Variants in SPTBN4 observed in about 807,000 individuals in gnomAD.
SPTBN4 encodes the protein spectrin beta, non-erythrocytic 4, also known as spectrin beta chain, non-erythrocytic 4.
SPTBN4 carries 96 observed loss-of-function variants against 277.8 expected under a neutral mutation model. That is an observed-to-expected ratio of 0.35 (90% confidence interval 0.29 to 0.41). SPTBN4 has a LOEUF of 0.41. SPTBN4 is among the 10% of genes least tolerant of loss of function. The pLI is 1.00. For synonymous variants in SPTBN4, 1,481 were observed against 1,580.3 expected, an observed-to-expected ratio of 0.94 and a Z score of 1.49; for missense variants, 3,006 against 3,595.7, an observed-to-expected ratio of 0.84 and a Z score of 4.19.
At chr19:40,473,361 T>C (rs1037564462) in intron 2 of SPTBN4, among the ~76,000 whole-genome samples, 1 of 144,058 alleles carries the variant, frequency 6.9e-6, no homozygotes, top group African/African-American at 2.6e-5. Flanking sequence ...GGTGTTTTTT[T>C]TTTTTTTTTT....
intron 32 of SPTBN4, among the ~76,000 whole-genome samples, chr19:40,569,965 C>CACACACACAG (rs1342437963): frequency 2.0e-5 from 3 of 146,980 alleles, no homozygotes; most frequent in African/African-American, 7.7e-5. Flanking sequence ...CACACACACA[C>CACACACACAG]ACACACACAG....
chr19:40,524,486 G>A (rs2080566503), intron 17 of SPTBN4: 1 of 430,252 alleles, frequency 2.3e-6, no homozygotes, highest in South Asian at 1.7e-5. Context: ...CAGCCTGGAT[G>A]ACACAGCAAC....
At chr19:40,537,536 T>TG (rs2080752405) in intron 20 of SPTBN4, among the ~76,000 whole-genome samples, 1 of 152,188 alleles carries the variant, frequency 6.6e-6, no homozygotes, top group Non-Finnish European at 1.5e-5. Flanking sequence ...AGGGGTTCCT[T>TG]GGCCACAGTT....
At chr19:40,506,530 C>G in intron 13 of SPTBN4, 144 bp downstream of exon 13, 1 of 1,278,514 alleles carries the variant, frequency 7.8e-7, no homozygotes, top group Non-Finnish European at 1.0e-6. Context: ...TTACATTCCA[C>G]TGGGGAAGTC....
In SPTBN4 at chr19:40,519,738, G is replaced by C; in HGVS notation, c.3241G>C (p.Gly1081Arg). Residue 1081 changes from glycine (G) to arginine (R), a missense_variant, in exon 16 of 36, where the codon GGC (glycine) becomes CGC (arginine). Gly to Arg is a moderately radical substitution (Grantham distance 125). Transcript: ENST00000598249. This position sits in a 1 kb window ranked among gnomAD's most constrained non-coding sequence, Gnocchi z 5.7. ...GCTAGCTAGCGCGGCTCAGGCCTGC[G>C]GCGAGGCGGTGGCGGCAGCAGGGCG... Reference protein sequence around the residue: ...GALASAAQACGEAVAAAGRLQ... With the variant: ...GALASAAQACREAVAAAGRLQ... 7.1e-7 allele frequency: 1 copy of C among 1,406,488 alleles called. No homozygotes were observed. Among genetic ancestry groups the C allele is most frequent in the Non-Finnish European group, 9.2e-7 (1 of 1,092,286 alleles). The allele number at this position is 1,406,488 out of a possible 1,614,324, so 87.1% of individuals were successfully genotyped here.
At chr19:40,569,058 C>A (rs2081124323) in intron 31 of SPTBN4, among the ~76,000 whole-genome samples, 1 of 151,732 alleles carries the variant, frequency 6.6e-6, no homozygotes, top group Non-Finnish European at 1.5e-5. Context: ...GGAATGGGGG[C>A]GATTGGGGGA....
rs547021683 is a variant in SPTBN4, at chr19:40,479,507, A to G, written c.169+6717A>G. Among the ~76,000 whole-genome samples, 283 of 151,666 alleles carry G rather than the reference A, an allele frequency of 1.9e-3. 2 individuals carry two copies. Among genetic ancestry groups the G allele is most frequent in the Admixed American group, 4.3e-3 (65 of 15,182 alleles). On this transcript the variant is annotated intron_variant, in intron 2 of 35. Coordinates refer to ENST00000598249, the MANE Select transcript of SPTBN4 (RefSeq NM_020971.3). ...TTTTAAATAAAGATGGGGTCTTGCT[A>G]TGTTGCCTAGGCTGGTCTTGAACTC...
Position 40,519,683 on chromosome 19 carries a change from C to A in SPTBN4, c.3186C>A (p.Gly1062=), listed in dbSNP as rs928004253. The part of the protein sequence containing the change: ...FPAQAARLHQ[G]AEELGAEWGA... ...CGCAGGCGGCGCGGCTGCACCAGGG[C>A]GCGGAGGAGCTGGGCGCCGAGTGGG... is the stretch of plus-strand genomic sequence containing the variant. The change falls in exon 16 of 36, where the codon GGC becomes GGA. Residue 1062 remains glycine (G), a synonymous_variant. Coordinates refer to ENST00000598249, the MANE Select transcript of SPTBN4 (RefSeq NM_020971.3). This position sits in a 1 kb window ranked among gnomAD's most constrained non-coding sequence, Gnocchi z 5.7. 2.4e-5 allele frequency: 33 copies of A among 1,389,808 alleles called. No individual in the cohort carries two copies. The African/African-American group carries it at 3.8e-4, about 16-fold the overall frequency. The allele number at this position is 1,389,808 out of a possible 1,614,324, so 86.1% of individuals were successfully genotyped here.
intron 24 of SPTBN4, among the ~76,000 whole-genome samples, chr19:40,555,598 A>G (rs996482532): frequency 1.3e-5 from 2 of 151,982 alleles, no homozygotes; most frequent in African/African-American, 4.8e-5. Context: ...TGCATGCTGA[A>G]ATGCAGGGCT....
chr19:40,497,580 C>T lies in SPTBN4; in HGVS notation c.760C>T (p.Leu254=). ...AFRTAEQHLG[L]ARLLDPEDVN... Reference sequence around the variant, plus strand: ...CCGCACAGCTGAGCAGCACCTGGGGCTGGCGCGGCTGCTGGATCCTGAAGG... The same window carrying T: ...CCGCACAGCTGAGCAGCACCTGGGGTTGGCGCGGCTGCTGGATCCTGAAGG... The change falls in exon 7 of 36, where the codon CTG becomes TTG. Residue 254 remains leucine (L), a synonymous_variant. Transcript: ENST00000598249. The T allele has an allele frequency of 6.2e-7, 1 of 1,613,880 alleles. No homozygotes were observed. The highest frequency in any genetic ancestry group is 1.1e-5 in the South Asian group (1 of 91,076).
chr19:40,488,246 TG>T (rs1347609969), intron 3 of SPTBN4, among the ~76,000 whole-genome samples: 1 of 149,680 alleles, frequency 6.7e-6, no homozygotes, highest in Non-Finnish European at 1.5e-5. Flanking sequence ...TATTGCGGGT[TG>T]GGGGTGGGTA....
At chr19:40,540,814 CAAAAAAAAA>C (rs58695945) in intron 20 of SPTBN4, among the ~76,000 whole-genome samples, 1 of 79,338 alleles carries the variant, frequency 1.3e-5, no homozygotes, top group African/African-American at 4.7e-5. Context: ...ACCCCCATCT[CAAAAAAAAA>C]AAAAAAAAAA....
chr19:40,492,854 C>T (rs910725361), intron 4 of SPTBN4, 109 bp from the exon 5 acceptor site: 1 of 893,282 alleles, frequency 1.1e-6, no homozygotes, highest in South Asian at 1.5e-5. Context: ...AGCTGCCTCC[C>T]CCATCTCCTC....
Position 40,532,661 on chromosome 19 carries a change from C to T in SPTBN4, c.3985C>T (p.Arg1329Trp), listed in dbSNP as rs147705991. Residue 1329 changes from arginine to tryptophan, a missense_variant, in exon 19 of 36, where the codon CGG (arginine) becomes TGG (tryptophan). Around this residue, in one of 5 missense-constraint regions of SPTBN4, gnomAD observed 1,759 missense variants for 2,061.5 expected, o/e 0.85. Coordinates refer to ENST00000598249, the MANE Select transcript of SPTBN4 (RefSeq NM_020971.3). ...GWIHEKMLMA[R>W]DGTREDNHKL... ...GATCCATGAGAAGATGCTGATGGCG[C>T]GGGATGGCACGCGGGAGGACAACCA... The T allele has an allele frequency of 1.6e-5, 26 of 1,613,322 alleles. No homozygotes were observed. Among genetic ancestry groups the T allele is most frequent in the East Asian group, 6.7e-5 (3 of 44,868 alleles).
At chr19:40,504,851 C>CAAA (rs113849503) in intron 12 of SPTBN4, among the ~76,000 whole-genome samples, 3 of 147,942 alleles carry the variant, frequency 2.0e-5, no homozygotes, top group Admixed American at 1.3e-4. Context: ...GATTCTGTTT[C>CAAA]AAAAAAAAAG....
chr19:40,495,017 C>G, intron 6 of SPTBN4, 40 bp downstream of exon 6: 1 of 1,575,860 alleles, frequency 6.3e-7, no homozygotes, highest in Non-Finnish European at 8.7e-7. Context: ...TGCCCTTCAG[C>G]CCCCCATATC....
At chr19:40,546,049 C>CAAAAAA (rs35750238) in intron 20 of SPTBN4, among the ~76,000 whole-genome samples, 1 of 91,786 alleles carries the variant, frequency 1.1e-5, no homozygotes, top group African/African-American at 4.4e-5. Flanking sequence ...GACTCTGCCT[C>CAAAAAA]AAAAAAAAAA....
At chr19:40,574,925 G>A (rs968629115) in intron 35 of SPTBN4, among the ~76,000 whole-genome samples, 1 of 148,932 alleles carries the variant, frequency 6.7e-6, no homozygotes, top group African/African-American at 2.5e-5. Context: ...TGAGGCACAA[G>A]AATCTCTTGA....
intron 20 of SPTBN4, among the ~76,000 whole-genome samples, chr19:40,543,785 G>T (rs1291408195): frequency 6.6e-6 from 1 of 152,112 alleles, no homozygotes; most frequent in Non-Finnish European, 1.5e-5. Flanking sequence ...ATCCCAAAGA[G>T]AGCCTCAGTT....
Sources: gnomAD v4.1 joint callset for allele counts (sites outside exome capture counted in the v4.1 genomes callset) on GRCh38, gnomAD v4.1.1 for gene constraint, gnomAD v4.1.1 regional missense constraint, Gnocchi (gnomAD v3.1) non-coding constraint, MANE v1.5 for transcripts, NCBI Gene and HGNC (gene_info 2026-07-23, HGNC 2026-07-21) for gene names.